ATP8A1: variants seen among roughly 807,000 people sequenced by gnomAD.
The protein encoded by ATP8A1 is phospholipid-transporting ATPase IA.
Under a neutral mutation model 177.7 loss-of-function variants are expected in ATP8A1, and 90 were observed. The observed-to-expected ratio is 0.51, with a 90% CI of 0.43 to 0.60. The LOEUF (loss-of-function observed/expected upper bound fraction) is 0.60. Ranked by LOEUF, ATP8A1 falls within the 20% of genes least tolerant of loss-of-function variation. ATP8A1 has a pLI of 0.00. For missense variants in ATP8A1, 1,072 were observed against 1,392.8 expected (o/e 0.77, Z 3.67); for synonymous variants, 493 against 485.9 (o/e 1.01, Z -0.19).
At chr4:42,572,952 T>C (rs1732051727) in intron 14 of ATP8A1, among the ~76,000 whole-genome samples, 1 of 152,158 alleles carries the variant, frequency 6.6e-6, no homozygotes, top group African/African-American at 2.4e-5. Context: ...GGCAATTTAA[T>C]CTCAATGATG....
chr4:42,572,843 G>C (rs1262222437), intron 14 of ATP8A1, among the ~76,000 whole-genome samples: 1 of 152,160 alleles, frequency 6.6e-6, no homozygotes, highest in African/African-American at 2.4e-5. Context: ...GATTTTCTAG[G>C]ATTACATGGT....
At chr4:42,465,279 G>A (rs1333230517) in intron 25 of ATP8A1, among the ~76,000 whole-genome samples, 3 of 152,170 alleles carry the variant, frequency 2.0e-5, no homozygotes, top group Non-Finnish European at 4.4e-5. Context: ...ATAAAAACAA[G>A]CCTCAGAGGC....
chr4:42,606,144 T>A (rs1228601768), intron 5 of ATP8A1, among the ~76,000 whole-genome samples: 2 of 152,236 alleles, frequency 1.3e-5, no homozygotes, highest in Non-Finnish European at 2.9e-5. Flanking sequence ...AAATACTCCA[T>A]GGCACAGATG....
intron 5 of ATP8A1, among the ~76,000 whole-genome samples, chr4:42,609,355 T>G (rs1276800628): frequency 2.0e-5 from 3 of 152,212 alleles, no homozygotes; most frequent in Non-Finnish European, 2.9e-5. Context: ...TCAATATAAG[T>G]GGCACGATGT....
At position 42,579,806 on chromosome 4, in the gene ATP8A1, T is replaced by G. The variant is rs777567322; in HGVS notation, c.1000+7A>C. The stretch of plus-strand genomic sequence containing the variant: ...TAAAAAAGTGCAGTAAGCACTTTAT[T>G]GCTTACAGTTTAGATTGAGATACCA... On this transcript the variant is annotated splice_region_variant and intron_variant, in intron 11 of 36. Coordinates refer to ENST00000381668, the MANE Select transcript of ATP8A1 (RefSeq NM_006095.2). 2.4e-5 allele frequency: 38 copies of G among 1,609,500 alleles called. No individual in the cohort carries two copies. Among genetic ancestry groups the G allele is most frequent in the Non-Finnish European group, 2.9e-5 (34 of 1,178,396 alleles).
At chr4:42,509,258 GT>G (rs1345956085) in intron 22 of ATP8A1, among the ~76,000 whole-genome samples, 3 of 152,166 alleles carry the variant, frequency 2.0e-5, no homozygotes, top group South Asian at 2.1e-4. Context: ...GAAAAGCAAA[GT>G]GTTTTGAAAA....
chr4:42,656,054 A>G (rs2109601958), intron 1 of ATP8A1, among the ~76,000 whole-genome samples: 1 of 152,312 alleles, frequency 6.6e-6, no homozygotes, highest in South Asian at 2.1e-4. Context: ...GGCAGGCAGG[A>G]TGTTGAGGGC....
At chr4:42,549,966 C>T (rs1363105632) in intron 18 of ATP8A1, among the ~76,000 whole-genome samples, 1 of 152,094 alleles carries the variant, frequency 6.6e-6, no homozygotes, top group African/African-American at 2.4e-5. Context: ...TAATAAAATG[C>T]ACAGACCTTT....
At chr4:42,451,840 C>T (rs939426938) in intron 30 of ATP8A1, 141 bp downstream of exon 30, 2 of 519,322 alleles carry the variant, frequency 3.9e-6, no homozygotes, top group African/African-American at 4.0e-5. Context: ...AAAGTGTGTA[C>T]AATTTTTGGG....
At position 42,410,529 on chromosome 4, in the gene ATP8A1, A is replaced by C. The variant is rs1411040326; in HGVS notation, c.*2387T>G. 1 of 152,198 alleles carries C rather than the reference A, an allele frequency of 6.6e-6. No homozygotes were observed. Among genetic ancestry groups the C allele is most frequent in the Non-Finnish European group, 1.5e-5 (1 of 68,034 alleles). 9.4% of individuals were successfully genotyped at this position (152,198 alleles called of 1,614,324 possible). On this transcript the variant is annotated 3_prime_UTR_variant, in exon 37 of 37. Coordinates refer to ENST00000381668, the MANE Select transcript of ATP8A1 (RefSeq NM_006095.2). ...TTCTCTAATTTAACACTGTAAAGTC[A>C]CTGCAATTGCAATGTTATATTTTAA...
rs1712520586 is a variant in ATP8A1 at position 42,410,895 on chromosome 4, A to AT, written c.*2020dup. 6.6e-6 allele frequency: 1 copy of AT among 152,232 alleles called. No homozygotes were observed. The highest frequency in any genetic ancestry group is 1.5e-5 in the Non-Finnish European group (1 of 68,038). The allele number at this position is 152,232 out of a possible 1,614,324, so 9.4% of individuals were successfully genotyped here. Reference sequence around the variant, plus strand: ...GAAGCAGCTCTTCTCTATTAACAGAATTAAACACTACAAAGTGTTTCTCTG... The same window carrying AT: ...GAAGCAGCTCTTCTCTATTAACAGAATTTAAACACTACAAAGTGTTTCTCTG... On this transcript the variant is annotated 3_prime_UTR_variant, in exon 37 of 37. Coordinates refer to ENST00000381668, the MANE Select transcript of ATP8A1 (RefSeq NM_006095.2).
intron 24 of ATP8A1, among the ~76,000 whole-genome samples, chr4:42,488,493 C>T (rs369874844): frequency 6.6e-6 from 1 of 152,154 alleles, no homozygotes; most frequent in Non-Finnish European, 1.5e-5. Context: ...TTCCCTTGAG[C>T]CCTCATCATC....
At chr4:42,474,140 A>T (rs1470795619) in intron 25 of ATP8A1, among the ~76,000 whole-genome samples, 1 of 152,188 alleles carries the variant, frequency 6.6e-6, no homozygotes, top group African/African-American at 2.4e-5. Flanking sequence ...GTCAGGAGTT[A>T]AAAAAGGAGG....
At chr4:42,648,471 T>G (rs1314879100) in intron 1 of ATP8A1, among the ~76,000 whole-genome samples, 2 of 152,132 alleles carry the variant, frequency 1.3e-5, no homozygotes, top group African/African-American at 4.8e-5. Context: ...ATTAAATATA[T>G]GGTTATTATG....
chr4:42,599,170 TTC>T (rs910739451), intron 6 of ATP8A1, among the ~76,000 whole-genome samples: 7 of 152,160 alleles, frequency 4.6e-5, no homozygotes, highest in East Asian at 1.9e-4. Context: ...TCTCCTGACT[TTC>T]TGTTTATTTT....
At chr4:42,655,970 A>C (rs1741568194) in intron 1 of ATP8A1, among the ~76,000 whole-genome samples, 1 of 152,246 alleles carries the variant, frequency 6.6e-6, no homozygotes, top group African/African-American at 2.4e-5. Context: ...GAGGACAAAC[A>C]AACCTTGGGA....
At chr4:42,489,317 A>G (rs1722513673) in intron 24 of ATP8A1, among the ~76,000 whole-genome samples, 1 of 152,276 alleles carries the variant, frequency 6.6e-6, no homozygotes, top group East Asian at 1.9e-4. Context: ...GAACCAACAT[A>G]GGGTATGCAG....
intron 4 of ATP8A1, among the ~76,000 whole-genome samples, chr4:42,616,593 C>T (rs746615518): frequency 3.4e-4 from 51 of 152,194 alleles, no homozygotes; most frequent in Non-Finnish European, 5.9e-4. Flanking sequence ...CTTGAACCAA[C>T]GATGTCTACC....
At chr4:42,519,300 C>T (rs900192132) in intron 22 of ATP8A1, among the ~76,000 whole-genome samples, 5 of 151,984 alleles carry the variant, frequency 3.3e-5, no homozygotes, top group Admixed American at 2.6e-4. Flanking sequence ...CCCTATGTTC[C>T]CCCAGGCTGG....
Sources: allele counts gnomAD v4.1 joint callset (sites outside exome capture counted in the v4.1 genomes callset), GRCh38; gene constraint gnomAD v4.1.1; transcripts MANE v1.5; gene names NCBI Gene and HGNC (gene_info 2026-07-23, HGNC 2026-07-21).